Variants in NRXN3 observed in about 807,000 individuals in gnomAD.
The protein encoded by NRXN3 is neurexin 3, also known as neurexin III.
In NRXN3, 32 loss-of-function variants were observed where a neutral mutation model predicts 137.6. The observed-to-expected ratio is 0.23, with a 90% CI of 0.18 to 0.31. The LOEUF (loss-of-function observed/expected upper bound fraction) is 0.31, where lower values mean the gene tolerates loss of function less well. NRXN3 is among the 10% of genes least tolerant of loss of function. NRXN3 has a pLI of 1.00. For synonymous variants in NRXN3, 798 were observed against 784.5 expected (o/e 1.02, Z -0.29); for missense variants, 1,574 against 2,062.5 (o/e 0.76, Z 4.59).
At chr14:79,434,863 C>A (rs56187621) in intron 15 of NRXN3, among the ~76,000 whole-genome samples, 1 of 152,150 alleles carries the variant, frequency 6.6e-6, no homozygotes, top group African/African-American at 2.4e-5. Flanking sequence ...ATTGCATAAA[C>A]GGATCTGAGT....
intron 4 of NRXN3, among the ~76,000 whole-genome samples, chr14:78,453,299 T>C (rs758748027): frequency 6.6e-6 from 1 of 152,212 alleles, no homozygotes; most frequent in Non-Finnish European, 1.5e-5. Context: ...TTCCTCCCTG[T>C]TCAGATGCAG....
At chr14:78,456,799 C>CTTTTTCTTTCTTTCTT (rs1177466177) in intron 4 of NRXN3, among the ~76,000 whole-genome samples, 1 of 97,620 alleles carries the variant, frequency 1.0e-5, no homozygotes, top group African/African-American at 3.5e-5. Flanking sequence ...CTCTCTTTCT[C>CTTTTTCTTTCTTTCTT]TCTTTCTTTC....
At chr14:79,294,978 C>T (rs1214484737) in intron 15 of NRXN3, among the ~76,000 whole-genome samples, 1 of 151,990 alleles carries the variant, frequency 6.6e-6, no homozygotes, top group Non-Finnish European at 1.5e-5. Context: ...TCCCTCCTGT[C>T]CATGTTTCCC....
chr14:78,699,664 A>G lies in NRXN3; in HGVS notation c.1222-9553A>G, dbSNP rs149760118. On this transcript the variant is annotated intron_variant, in intron 6 of 20. Transcript: ENST00000335750. ...TTTTTCCCCTAATTGCATAATGTAT[A>G]TATTTTTAGAGCTTTTCATAATCAG... 8.5e-5 allele frequency among the ~76,000 whole-genome samples: 13 copies of G among 152,262 alleles called. No individual in the cohort carries two copies. The East Asian group carries it at 2.3e-3, about 27-fold the overall frequency.
At chr14:79,775,347 C>T (rs1263844611) in intron 19 of NRXN3, among the ~76,000 whole-genome samples, 1 of 151,932 alleles carries the variant, frequency 6.6e-6, no homozygotes, top group Admixed American at 6.6e-5. Flanking sequence ...GGAAAACCTC[C>T]ACATATACAC....
At chr14:79,071,518 C>T (rs995966977) in intron 15 of NRXN3, among the ~76,000 whole-genome samples, 5 of 151,982 alleles carry the variant, frequency 3.3e-5, no homozygotes, top group African/African-American at 1.2e-4. Flanking sequence ...AGCAATTGAC[C>T]CAACCAATGG....
intron 15 of NRXN3, among the ~76,000 whole-genome samples, chr14:79,194,054 T>G (rs1330707509): frequency 6.6e-6 from 1 of 152,238 alleles, no homozygotes; most frequent in Non-Finnish European, 1.5e-5. Context: ...ATTTTTAGTC[T>G]AATGTAATTA....
chr14:78,510,449 G>A (rs983703386), intron 4 of NRXN3, among the ~76,000 whole-genome samples: 1 of 152,012 alleles, frequency 6.6e-6, no homozygotes, highest in Non-Finnish European at 1.5e-5. Context: ...ATTGATTCTC[G>A]GATGTTTTCA....
At chr14:78,324,349 C>T (rs1193892000) in intron 4 of NRXN3, among the ~76,000 whole-genome samples, 2 of 152,048 alleles carry the variant, frequency 1.3e-5, no homozygotes, top group African/African-American at 2.4e-5. Flanking sequence ...GAGCATAGGA[C>T]AGCTGAGACA....
chr14:78,493,479 C>A (rs566305259), intron 4 of NRXN3, among the ~76,000 whole-genome samples: 5 of 151,544 alleles, frequency 3.3e-5, no homozygotes, highest in Admixed American at 3.3e-4. Flanking sequence ...GCCAAGATCG[C>A]GCCTTTGCAC....
intron 15 of NRXN3, among the ~76,000 whole-genome samples, chr14:79,459,649 A>G (rs867511635): frequency 1.3e-5 from 2 of 152,172 alleles, no homozygotes; most frequent in African/African-American, 4.8e-5. Context: ...CACAGCAAAA[A>G]ATATTTCAAG....
chr14:79,352,368 A>G (rs1282297848), intron 15 of NRXN3, among the ~76,000 whole-genome samples: 4 of 152,132 alleles, frequency 2.6e-5, no homozygotes, highest in Admixed American at 6.6e-5. Flanking sequence ...TGAAGAATAA[A>G]CCCTAGGATC....
At chr14:78,227,706 A>C (rs1218142773) in intron 1 of NRXN3, among the ~76,000 whole-genome samples, 3 of 152,186 alleles carry the variant, frequency 2.0e-5, no homozygotes, top group Non-Finnish European at 1.5e-5. Context: ...ATAGGCTTGG[A>C]AGTTCCATTC....
chr14:79,824,945 A>C (rs1016037861), intron 20 of NRXN3, among the ~76,000 whole-genome samples: 2 of 152,204 alleles, frequency 1.3e-5, no homozygotes, highest in African/African-American at 4.8e-5. Flanking sequence ...GACATGAAAA[A>C]CTGATAATGT....
chr14:79,701,754 G>A (rs1396886432), intron 19 of NRXN3, among the ~76,000 whole-genome samples: 2 of 152,016 alleles, frequency 1.3e-5, no homozygotes, highest in African/African-American at 4.8e-5. Context: ...AATAGGAGGA[G>A]GAGTAGCAAT....
At chr14:78,730,877 C>G (rs1266106371) in intron 8 of NRXN3, among the ~76,000 whole-genome samples, 2 of 152,108 alleles carry the variant, frequency 1.3e-5, no homozygotes, top group African/African-American at 2.4e-5. Context: ...TTGGGTTTGC[C>G]CCTTGAGCTT....
chr14:79,722,966 C>T (rs2098850587), intron 19 of NRXN3, among the ~76,000 whole-genome samples: 1 of 152,050 alleles, frequency 6.6e-6, no homozygotes, highest in Non-Finnish European at 1.5e-5. Flanking sequence ...AAATGCACTT[C>T]GTTGTCCCGA....
chr14:78,298,853 T>C (rs2076609979), intron 4 of NRXN3, among the ~76,000 whole-genome samples: 1 of 152,190 alleles, frequency 6.6e-6, no homozygotes, highest in Non-Finnish European at 1.5e-5. Flanking sequence ...TATATTCCTG[T>C]TTTTCTTGAG....
chr14:78,228,607 T>C (rs1470222481), intron 1 of NRXN3, among the ~76,000 whole-genome samples: 1 of 152,212 alleles, frequency 6.6e-6, no homozygotes, highest in Non-Finnish European at 1.5e-5. Context: ...ACAATACCCC[T>C]TTCATGTAAG....
Sources: allele counts gnomAD v4.1 joint callset (sites outside exome capture counted in the v4.1 genomes callset), GRCh38; gene constraint gnomAD v4.1.1; transcripts MANE v1.5; gene names NCBI Gene and HGNC (gene_info 2026-07-23, HGNC 2026-07-21).